The following ERICH5 variants were observed in gnomAD, a reference collection of about 807,000 sequenced individuals.
ERICH5 encodes glutamate rich 5, also known as glutamate-rich protein 5.
In ERICH5, 24 loss-of-function variants were observed where a neutral mutation model predicts 28.0. The observed-to-expected ratio is 0.86, with a 90% CI of 0.62 to 1.21. The LOEUF is 1.21. Ranked by LOEUF, ERICH5 falls within the 50% of genes most tolerant of loss-of-function variation. ERICH5 has a pLI of 0.00. For synonymous variants in ERICH5, 163 were observed against 157.6 expected, an observed-to-expected ratio of 1.03 and a Z score of -0.25; for missense variants, 421 against 441.2, an observed-to-expected ratio of 0.95 and a Z score of 0.41.
intron 1 of ERICH5, among the ~76,000 whole-genome samples, chr8:98,066,826 A>T (rs1247212983): frequency 6.6e-6 from 1 of 152,178 alleles, no homozygotes; most frequent in Non-Finnish European, 1.5e-5. Flanking sequence ...CCCGATAAAT[A>T]ATTCATTCCT....
intron 1 of ERICH5, among the ~76,000 whole-genome samples, chr8:98,070,701 A>G (rs1220738102): frequency 1.3e-5 from 2 of 150,490 alleles, no homozygotes; most frequent in African/African-American, 4.9e-5. Flanking sequence ...AAGAAAAAGA[A>G]AAGAGAATGA....
intron 1 of ERICH5, among the ~76,000 whole-genome samples, chr8:98,085,969 A>G (rs1429189076): frequency 6.6e-6 from 1 of 152,206 alleles, no homozygotes; most frequent in African/African-American, 2.4e-5. Context: ...CAGAGCCTGT[A>G]GTTTTCATCT....
intron 1 of ERICH5, among the ~76,000 whole-genome samples, chr8:98,084,065 T>C (rs1815229584): frequency 1.3e-5 from 2 of 151,666 alleles, no homozygotes; most frequent in Non-Finnish European, 2.9e-5. Context: ...TTTTTTTTTT[T>C]TTTTGTAGAC....
chr8:98,065,746 A>ACAGT (rs2130502730), intron 1 of ERICH5, among the ~76,000 whole-genome samples: 1 of 152,366 alleles, frequency 6.6e-6, no homozygotes, highest in African/African-American at 2.4e-5. Flanking sequence ...AAGCTAGTTT[A>ACAGT]CAGTCTTCTG....
chr8:98,068,563 C>T (rs1814857884), intron 1 of ERICH5, among the ~76,000 whole-genome samples: 1 of 152,110 alleles, frequency 6.6e-6, no homozygotes, highest in Non-Finnish European at 1.5e-5. Flanking sequence ...TTTTGAGTGT[C>T]CTGAGGATCC....
chr8:98,088,858 C>G (rs1815326840), intron 1 of ERICH5, among the ~76,000 whole-genome samples: 1 of 152,148 alleles, frequency 6.6e-6, no homozygotes, highest in Non-Finnish European at 1.5e-5. Flanking sequence ...TTTTGGAGGA[C>G]TTCAGCGCTT....
intron 1 of ERICH5, among the ~76,000 whole-genome samples, chr8:98,086,876 A>G (rs2514340): frequency 0.55 from 81,837 of 149,994 alleles, 22,781 homozygotes; most frequent in Admixed American, 0.63. Context: ...GTGTGAACCC[A>G]GGTGGCGGAG....
At position 98,093,375 on chromosome 8, in the gene ERICH5, C is replaced by A; in HGVS notation, c.*42C>A. On this transcript the variant is annotated 3_prime_UTR_variant, in exon 3 of 3. Coordinates refer to ENST00000318528, the MANE Select transcript of ERICH5 (RefSeq NM_173549.3). ...ACACAGTGTGTTATCATAGAGGAGACAAAAATGGTAGTGAAGCTTGTGGTT... is the reference window on the plus strand; with the variant it reads ...ACACAGTGTGTTATCATAGAGGAGAAAAAAATGGTAGTGAAGCTTGTGGTT... 1.5e-6 allele frequency: 2 copies of A among 1,368,660 alleles called. No individual in the cohort carries two copies. The highest frequency in any genetic ancestry group is 1.9e-5 in the Admixed American group (1 of 52,780). The allele number at this position is 1,368,660 out of a possible 1,614,324, so 84.8% of individuals were successfully genotyped here.
chr8:98,081,558 A>C (rs1433352388), intron 1 of ERICH5, among the ~76,000 whole-genome samples: 1 of 152,170 alleles, frequency 6.6e-6, no homozygotes, highest in Non-Finnish European at 1.5e-5. Flanking sequence ...CTGGTTCAGT[A>C]ATAACACTAT....
At chr8:98,072,031 C>G (rs1020832135) in intron 1 of ERICH5, among the ~76,000 whole-genome samples, 2 of 151,982 alleles carry the variant, frequency 1.3e-5, no homozygotes, top group South Asian at 4.1e-4. Context: ...GGATTACAGG[C>G]ATGAACTACC....
At chr8:98,069,257 C>T (rs1043827263) in intron 1 of ERICH5, among the ~76,000 whole-genome samples, 2 of 152,040 alleles carry the variant, frequency 1.3e-5, no homozygotes, top group African/African-American at 4.8e-5. Context: ...AAAAAAACTA[C>T]ATACATGGTT....
chr8:98,070,929 A>G (rs895589670), intron 1 of ERICH5, among the ~76,000 whole-genome samples: 6 of 151,880 alleles, frequency 4.0e-5, no homozygotes, highest in Non-Finnish European at 7.4e-5. Flanking sequence ...ATGCAGGAAA[A>G]GGTTAGCACT....
At position 98,091,993 on chromosome 8, in the gene ERICH5, C is replaced by CCCCTTCCTTCCTTCCTTCCTT. The variant is rs1815416904; in HGVS notation, c.1013-1226_1013-1225insCTTCCTTCCTTCCTTCCTTCC. Among the ~76,000 whole-genome samples, 5 of 55,024 alleles carry CCCCTTCCTTCCTTCCTTCCTT rather than the reference C, an allele frequency of 9.1e-5. 1 individual carries two copies. Among genetic ancestry groups the CCCCTTCCTTCCTTCCTTCCTT allele is most frequent in the African/African-American group, 3.5e-4 (5 of 14,202 alleles). 36.1% of individuals were successfully genotyped at this position (55,024 alleles called of 152,430 possible). On this transcript the variant is annotated intron_variant, in intron 2 of 2. Transcript: ENST00000318528. ...TTTCTTTTTCTTCTCTCTCTCTCTC[C>CCCCTTCCTTCCTTCCTTCCTT]CCTTCCTTCCTTCCTTCCTTCCTTC...
At chr8:98,092,938 G>A (rs971650769) in intron 2 of ERICH5, among the ~76,000 whole-genome samples, 1 of 151,996 alleles carries the variant, frequency 6.6e-6, no homozygotes, top group Non-Finnish European at 1.5e-5. Flanking sequence ...ACCATGCCTA[G>A]CTAATTTTTG....
intron 1 of ERICH5, among the ~76,000 whole-genome samples, chr8:98,069,914 A>G (rs1262040202): frequency 6.6e-6 from 1 of 152,222 alleles, no homozygotes; most frequent in Non-Finnish European, 1.5e-5. Flanking sequence ...AGAAGTCAGG[A>G]GATAAGGAGG....
At chr8:98,076,409 T>C (rs1554620703) in intron 1 of ERICH5, among the ~76,000 whole-genome samples, 3 of 146,402 alleles carry the variant, frequency 2.0e-5, no homozygotes, top group Non-Finnish European at 3.0e-5. Context: ...TTTTTTTTCC[T>C]CGTGATCTAG....
chr8:98,091,616 C>T (rs1016807274), intron 2 of ERICH5, among the ~76,000 whole-genome samples: 1 of 152,194 alleles, frequency 6.6e-6, no homozygotes, highest in Non-Finnish European at 1.5e-5. Flanking sequence ...CGCACAGCTC[C>T]AGCCATGGAA....
chr8:98,073,197 A>G (rs79855948), intron 1 of ERICH5, among the ~76,000 whole-genome samples: 3,785 of 151,776 alleles, frequency 0.025, 149 homozygotes, highest in African/African-American at 0.086. Flanking sequence ...GACCCTCTCC[A>G]TGCTGCTTCA....
intron 1 of ERICH5, among the ~76,000 whole-genome samples, chr8:98,076,818 GA>G (rs34007656): frequency 4.6e-5 from 7 of 150,734 alleles, no homozygotes; most frequent in East Asian, 3.9e-4. Context: ...ATTCAGCATT[GA>G]AAAAAAAAAT....
Sources: gnomAD v4.1 joint callset for allele counts (sites outside exome capture counted in the v4.1 genomes callset) on GRCh38, gnomAD v4.1.1 for gene constraint, MANE v1.5 for transcripts, NCBI Gene and HGNC (gene_info 2026-07-23, HGNC 2026-07-21) for gene names.